The following VTI1A variants were observed in gnomAD, a reference collection of about 807,000 sequenced individuals.
VTI1A encodes the protein vesicle transport through interaction with t-SNAREs homolog 1A.
A neutral mutation model predicts 34.9 loss-of-function variants in VTI1A; 22 were observed. The observed-to-expected ratio is 0.63, with a 90% CI of 0.45 to 0.90. VTI1A has a LOEUF of 0.90. Among genes scored for constraint, VTI1A ranks in the 40% least tolerant of loss-of-function variants. The pLI, the probability that VTI1A is intolerant of heterozygous loss-of-function variation, is 0.00. For missense variants in VTI1A, 268 were observed against 275.6 expected (o/e 0.97, Z 0.20); for synonymous variants, 87 against 97.3 (o/e 0.89, Z 0.62).
intron 7 of VTI1A, among the ~76,000 whole-genome samples, chr10:112,672,170 G>GA (rs61220112): frequency 1.7e-4 from 26 of 150,436 alleles, no homozygotes; most frequent in East Asian, 9.7e-4. Flanking sequence ...CACCTGTTTG[G>GA]AAAAAAAAAT....
At chr10:112,587,489 T>G (rs926137460) in intron 5 of VTI1A, among the ~76,000 whole-genome samples, 2 of 152,132 alleles carry the variant, frequency 1.3e-5, no homozygotes, top group Admixed American at 6.6e-5. Context: ...TCCTTTACAT[T>G]AATGAAGCAA....
At position 112,611,978 on chromosome 10, in the gene VTI1A, T is replaced by A. The variant is rs186849324; in HGVS notation, c.428-56240T>A. Among the ~76,000 whole-genome samples the A allele has an allele frequency of 1.9e-3, 294 of 152,200 alleles. 2 individuals are homozygous for A. The highest frequency in any genetic ancestry group is 6.7e-3 in the African/African-American group (277 of 41,508). ...GGATGGTCTTGATCTCCTGACCTCG[T>A]GGTCCGCCCGCCTCGGCCTCCGAAA... On this transcript the variant is annotated intron_variant, in intron 5 of 7. Transcript: ENST00000393077.
At chr10:112,671,328 A>G (rs1847838583) in intron 7 of VTI1A, among the ~76,000 whole-genome samples, 1 of 152,126 alleles carries the variant, frequency 6.6e-6, no homozygotes. Context: ...AGCGTTTCTG[A>G]TTTAGGAAAT....
At chr10:112,589,775 T>C (rs956808907) in intron 5 of VTI1A, among the ~76,000 whole-genome samples, 5 of 151,852 alleles carry the variant, frequency 3.3e-5, no homozygotes, top group Non-Finnish European at 1.5e-5. Flanking sequence ...TACTAGAAAA[T>C]GGTAGAACAG....
chr10:112,636,655 G>T (rs939773541), intron 5 of VTI1A, among the ~76,000 whole-genome samples: 1 of 151,212 alleles, frequency 6.6e-6, no homozygotes, highest in Admixed American at 6.6e-5. Context: ...CTTGAACCTG[G>T]GAGGCGGAGG....
chr10:112,719,548 CTT>C (rs759646217), intron 7 of VTI1A, among the ~76,000 whole-genome samples: 13 of 144,380 alleles, frequency 9.0e-5, no homozygotes, highest in Non-Finnish European at 1.2e-4. Flanking sequence ...AATTGTAGAA[CTT>C]TTTTTTTTTT....
In VTI1A at chr10:112,538,193, AAG is replaced by A; in HGVS notation, c.343-51_343-50del. The A allele has an allele frequency of 3.2e-6, 5 of 1,544,808 alleles. No homozygotes were observed. The South Asian group carries it at 5.7e-5, about 18-fold the overall frequency. ...GGCATTTTTTTTTTAAGGCAAAAAA[AAG>A]AACATTGTAGACGGCCGTCTGATTT... On this transcript the variant is annotated intron_variant, in intron 4 of 7. Transcript: ENST00000393077.
chr10:112,598,623 C>T (rs1207929676), intron 5 of VTI1A, among the ~76,000 whole-genome samples: 1 of 152,320 alleles, frequency 6.6e-6, no homozygotes, highest in African/African-American at 2.4e-5. Flanking sequence ...ACCTTGGATG[C>T]ATTGCCTTGC....
chr10:112,513,297 A>G (rs977849910), intron 3 of VTI1A, among the ~76,000 whole-genome samples: 1 of 152,016 alleles, frequency 6.6e-6, no homozygotes, highest in Non-Finnish European at 1.5e-5. Flanking sequence ...TTTTGTTGCT[A>G]TTGCAAATGG....
the VTI1A span, among the ~76,000 whole-genome samples, chr10:112,841,936 G>A: frequency 1.1e-4 from 16 of 151,982 alleles, no homozygotes; most frequent in East Asian, 1.9e-4. Flanking sequence ...GCCCAAGGCC[G>A]GTGGAGGCAA....
chr10:112,677,307 C>A (rs922606930), intron 7 of VTI1A, among the ~76,000 whole-genome samples: 1 of 152,170 alleles, frequency 6.6e-6, no homozygotes, highest in East Asian at 1.9e-4. Context: ...ACCTCATTCT[C>A]CCTCAAGCCT....
intron 5 of VTI1A, among the ~76,000 whole-genome samples, chr10:112,635,292 A>T (rs982813726): frequency 1.3e-5 from 2 of 152,232 alleles, no homozygotes; most frequent in African/African-American, 4.8e-5. Context: ...GTAAAGGCAG[A>T]TGCAGAATTC....
the VTI1A span, among the ~76,000 whole-genome samples, chr10:112,830,849 A>ATATATATATATATT: frequency 9.0e-5 from 3 of 33,496 alleles, no homozygotes; most frequent in African/African-American, 1.4e-4. Context: ...ATATATATAT[A>ATATATATATATATT]TTTTTTTTTT....
intron 7 of VTI1A, among the ~76,000 whole-genome samples, chr10:112,748,841 G>C (rs1851003310): frequency 6.6e-6 from 1 of 151,784 alleles, no homozygotes; most frequent in Admixed American, 6.6e-5. Context: ...GTGTTAGCCA[G>C]GTTGGTCTCG....
intron 7 of VTI1A, among the ~76,000 whole-genome samples, chr10:112,803,848 A>G (rs990030233): frequency 6.6e-6 from 1 of 152,200 alleles, no homozygotes; most frequent in Non-Finnish European, 1.5e-5. Context: ...ACCTGTGAGG[A>G]GTTAAATATA....
At chr10:112,805,430 G>C (rs1379986414) in intron 7 of VTI1A, among the ~76,000 whole-genome samples, 7 of 152,208 alleles carry the variant, frequency 4.6e-5, no homozygotes, top group Admixed American at 1.3e-4. Context: ...TTTACACTAC[G>C]AGAACAAAGT....
At chr10:112,709,682 C>CTTTTTT (rs57081938) in intron 7 of VTI1A, among the ~76,000 whole-genome samples, 12 of 70,284 alleles carry the variant, frequency 1.7e-4, no homozygotes, top group Non-Finnish European at 2.4e-4. Context: ...CTCTATGTGG[C>CTTTTTT]TTTTTTTTTT....
chr10:112,490,431 A>G (rs958040123), intron 3 of VTI1A, among the ~76,000 whole-genome samples: 1 of 152,190 alleles, frequency 6.6e-6, no homozygotes, highest in East Asian at 1.9e-4. Flanking sequence ...TTTACTAAAG[A>G]GTTTTTCAGC....
chr10:112,608,803 AC>A (rs1346074257), intron 5 of VTI1A, among the ~76,000 whole-genome samples: 7 of 152,154 alleles, frequency 4.6e-5, no homozygotes, highest in African/African-American at 1.4e-4. Flanking sequence ...CAGGAAAATA[AC>A]ATCTTCAACA....
Sources: allele counts gnomAD v4.1 joint callset (sites outside exome capture counted in the v4.1 genomes callset), GRCh38; gene constraint gnomAD v4.1.1; transcripts MANE v1.5; gene names NCBI Gene and HGNC (gene_info 2026-07-23, HGNC 2026-07-21).